Variants in GSE1 observed in about 807,000 individuals in gnomAD.
The protein encoded by GSE1 is genetic suppressor element 1.
A neutral mutation model predicts 112.6 loss-of-function variants in GSE1; 32 were observed. The observed-to-expected ratio is 0.28, with a 90% CI of 0.21 to 0.38. GSE1 has a LOEUF of 0.38. GSE1 is among the 10% of genes least tolerant of loss of function. The pLI, the probability that GSE1 is intolerant of heterozygous loss-of-function variation, is 1.00. For synonymous variants in GSE1, 1,115 were observed against 735.6 expected (o/e 1.52, Z -8.35); for missense variants, 2,348 against 1,699.2 (o/e 1.38, Z -6.71).
chr16:85,645,698 G>C (rs2050796332), intron 2 of GSE1, among the ~76,000 whole-genome samples: 1 of 152,226 alleles, frequency 6.6e-6, no homozygotes, highest in Admixed American at 6.5e-5. Context: ...AAGGGGAGAT[G>C]AGGCTGCTTC....
intron 1 of GSE1, among the ~76,000 whole-genome samples, chr16:85,630,227 C>T (rs999223072): frequency 6.6e-6 from 1 of 152,226 alleles, no homozygotes; most frequent in Non-Finnish European, 1.5e-5. Flanking sequence ...ACCTTGGCAG[C>T]TGCAGACTGC....
intron 1 of GSE1, among the ~76,000 whole-genome samples, chr16:85,235,953 GCCGGCGCCCCCT>G (rs1904598879): frequency 6.7e-6 from 1 of 149,124 alleles, no homozygotes; most frequent in Admixed American, 6.6e-5. Flanking sequence ...GGCTGCAGCA[GCCGGCGCCCCCT>G]CCGGCGCCGG....
Position 85,331,341 on chromosome 16 carries a change from G to A in GSE1, c.2284-26122G>A, listed in dbSNP as rs1567692409. ...CTAATTTCTGTGTGTGTGTGTGTGT[G>A]TGTGTGTGTGTGTGTGTGTGTGTGT... On this transcript the variant is annotated intron_variant, in intron 1 of 2. Transcript: ENST00000637419. Among the ~76,000 whole-genome samples, 7 of 100,570 alleles carry A rather than the reference G, an allele frequency of 7.0e-5. No homozygotes were observed. The East Asian group carries it at 1.6e-3, about 23-fold the overall frequency. The allele number at this position is 100,570 out of a possible 152,430, so 66.0% of individuals were successfully genotyped here. A position where few individuals can be genotyped will look rare whatever the true frequency, so the allele number is the denominator to read the frequency against.
chr16:85,513,964 A>G (rs561423227), intron 2 of GSE1, among the ~76,000 whole-genome samples: 3 of 152,118 alleles, frequency 2.0e-5, no homozygotes, highest in African/African-American at 7.2e-5. Flanking sequence ...TACTGCTGCT[A>G]TGTGGGATCC....
At chr16:85,637,276 G>GA (rs1420610803) in intron 2 of GSE1, among the ~76,000 whole-genome samples, 2 of 152,226 alleles carry the variant, frequency 1.3e-5, no homozygotes, top group Admixed American at 6.5e-5. Context: ...TGCGTGTCTG[G>GA]ACCCTGAGCG....
intron 1 of GSE1, among the ~76,000 whole-genome samples, chr16:85,587,209 C>T (rs1598288228): frequency 6.6e-6 from 1 of 151,722 alleles, no homozygotes; most frequent in African/African-American, 2.4e-5. Flanking sequence ...CTGGAGGGCC[C>T]GGCCGTGGAA....
rs529277129 is a variant in GSE1, at chr16:85,630,422, G to T, written c.8-3492G>T. Among the ~76,000 whole-genome samples the T allele has an allele frequency of 5.2e-4, 79 of 152,306 alleles. 1 individual carries two copies. The highest frequency in any genetic ancestry group is 1.9e-3 in the African/African-American group (77 of 41,570). The stretch of plus-strand genomic sequence containing the variant: ...TATAGCGGTGTGATCATAGCTCACT[G>T]TAGCTCCAACTCCTGGGCTCAAATA... On this transcript the variant is annotated intron_variant, in intron 1 of 15. Transcript: ENST00000253458.
rs1198538112 is a variant in GSE1 at position 85,673,807 on chromosome 16, A to C, written c.*1268A>C. On this transcript the variant is annotated 3_prime_UTR_variant, in exon 16 of 16. Coordinates refer to ENST00000253458, the MANE Select transcript of GSE1 (RefSeq NM_014615.5). Reference sequence around the variant, plus strand: ...GTGCACACATGGGCGGGGGCTTTTAAAAACCTTTCAGGAAGTCAATGATTT... The same window carrying C: ...GTGCACACATGGGCGGGGGCTTTTACAAACCTTTCAGGAAGTCAATGATTT... 6.6e-6 allele frequency: 1 copy of C among 152,224 alleles called. No individual in the cohort carries two copies. The highest frequency in any genetic ancestry group is 1.5e-5 in the Non-Finnish European group (1 of 68,038). 9.4% of individuals were successfully genotyped at this position (152,224 alleles called of 1,614,324 possible). A position where few individuals can be genotyped will look rare whatever the true frequency, so the allele number is the denominator to read the frequency against.
intron 1 of GSE1, among the ~76,000 whole-genome samples, chr16:85,231,038 A>AGATG (rs199564224): frequency 6.7e-6 from 1 of 148,782 alleles, no homozygotes; most frequent in African/African-American, 2.5e-5. Context: ...ACAGAAGGAT[A>AGATG]GATGGATGGA....
At chr16:85,413,620 C>T (rs1162350931) in intron 2 of GSE1, among the ~76,000 whole-genome samples, 2 of 152,172 alleles carry the variant, frequency 1.3e-5, no homozygotes, top group Non-Finnish European at 2.9e-5. Flanking sequence ...CAATTACATA[C>T]ATGTACCACT....
chr16:85,227,196 T>G lies in GSE1; in HGVS notation c.2283+55389T>G, dbSNP rs4598896. 7.2e-5 allele frequency among the ~76,000 whole-genome samples: 11 copies of G among 151,988 alleles called. No homozygotes were observed. The East Asian group carries it at 1.4e-3, about 19-fold the overall frequency. On this transcript the variant is annotated intron_variant, in intron 1 of 2. Transcript: ENST00000637419. ...GGCAGTGGATTTTATGCTGAAGACA[T>G]AGCAATGAACAAAACAGCCCCTGCT...
chr16:85,333,197 G>A (rs115983352), intron 1 of GSE1, among the ~76,000 whole-genome samples: 11 of 152,158 alleles, frequency 7.2e-5, no homozygotes, highest in African/African-American at 2.7e-4. Flanking sequence ...AGGAGGGGTG[G>A]CAGGGGAGCT....
chr16:85,464,466 G>A (rs1279774227), intron 2 of GSE1, among the ~76,000 whole-genome samples: 44 of 152,200 alleles, frequency 2.9e-4, no homozygotes, highest in Non-Finnish European at 1.5e-5. Flanking sequence ...TCCTCTGATC[G>A]CCCTTCCTCC....
At chr16:85,320,441 ATGTTTTGTTTTGTTT>A (rs112173531) in intron 1 of GSE1, among the ~76,000 whole-genome samples, 70 of 149,040 alleles carry the variant, frequency 4.7e-4, no homozygotes, top group Admixed American at 4.7e-4. Context: ...TACCCGGCTA[ATGTTTTGTTTTGTTT>A]TGTTTTGTTT....
chr16:85,282,065 T>C (rs1017099933), intron 1 of GSE1, among the ~76,000 whole-genome samples: 3 of 151,818 alleles, frequency 2.0e-5, no homozygotes, highest in African/African-American at 7.2e-5. Flanking sequence ...GCTCACTCTG[T>C]CACCCAGGCT....
intron 2 of GSE1, among the ~76,000 whole-genome samples, chr16:85,446,539 C>T (rs1019613308): frequency 6.6e-6 from 1 of 152,184 alleles, no homozygotes; most frequent in Non-Finnish European, 1.5e-5. Flanking sequence ...GCTCTGGGTT[C>T]TGCGATGACC....
At chr16:85,221,309 C>G (rs1354174866) in intron 1 of GSE1, among the ~76,000 whole-genome samples, 1 of 135,840 alleles carries the variant, frequency 7.4e-6, no homozygotes, top group African/African-American at 2.7e-5. Flanking sequence ...ACTTCCCTAG[C>G]GCGCACACAC....
chr16:85,633,276 G>A, intron 1 of GSE1, among the ~76,000 whole-genome samples: 1 of 152,352 alleles, frequency 6.6e-6, no homozygotes, highest in East Asian at 1.9e-4. Flanking sequence ...ACCCCTCTCA[G>A]ACAGAGACGC....
intron 1 of GSE1, among the ~76,000 whole-genome samples, chr16:85,257,798 C>A (rs1338828580): frequency 1.3e-5 from 2 of 152,170 alleles, no homozygotes; most frequent in Non-Finnish European, 2.9e-5. Context: ...TAGAGTGAGA[C>A]CCTGTCTCAA....
Sources: gnomAD v4.1 joint callset for allele counts (sites outside exome capture counted in the v4.1 genomes callset) on GRCh38, gnomAD v4.1.1 for gene constraint, MANE v1.5 for transcripts, NCBI Gene and HGNC (gene_info 2026-07-23, HGNC 2026-07-21) for gene names.